PARD3: variants seen among roughly 807,000 people sequenced by gnomAD.
The protein encoded by PARD3 is partitioning defective 3 homolog.
A neutral mutation model predicts 155.4 loss-of-function variants in PARD3; 75 were observed. That is an observed-to-expected ratio of 0.48 (90% confidence interval 0.40 to 0.58). The LOEUF is 0.58. PARD3 is among the 20% of genes least tolerant of loss of function. The pLI, the probability that PARD3 is intolerant of heterozygous loss-of-function variation, is 0.00. For missense variants in PARD3, 1,642 were observed against 1,721.7 expected, an observed-to-expected ratio of 0.95 and a Z score of 0.82; for synonymous variants, 576 against 610.5, an observed-to-expected ratio of 0.94 and a Z score of 0.83.
chr10:34,147,201 C>T (rs1458453008), intron 22 of PARD3, among the ~76,000 whole-genome samples: 1 of 151,940 alleles, frequency 6.6e-6, no homozygotes, highest in East Asian at 1.9e-4. Flanking sequence ...TCTGACAGAC[C>T]CCCCACCTCA....
intron 2 of PARD3, among the ~76,000 whole-genome samples, chr10:34,557,608 A>G (rs2085107173): frequency 6.6e-6 from 1 of 152,046 alleles, no homozygotes; most frequent in Non-Finnish European, 1.5e-5. Flanking sequence ...CCTCCTGAGT[A>G]GCTGGGATTA....
chr10:34,457,984 T>C (rs988154362), intron 4 of PARD3, among the ~76,000 whole-genome samples: 10 of 152,098 alleles, frequency 6.6e-5, no homozygotes, highest in African/African-American at 2.2e-4. Context: ...ATGACAAAAA[T>C]TTCTGATATC....
chr10:34,159,110 G>C (rs1411816010), intron 22 of PARD3, among the ~76,000 whole-genome samples: 1 of 152,168 alleles, frequency 6.6e-6, no homozygotes, highest in Non-Finnish European at 1.5e-5. Context: ...CTTTCAACTA[G>C]AACTTCAGTG....
chr10:34,766,617 CAAAAAAAA>C (rs34958448), intron 1 of PARD3, among the ~76,000 whole-genome samples: 2 of 81,788 alleles, frequency 2.4e-5, no homozygotes, highest in Admixed American at 1.4e-4. Context: ...ACTTAATTGA[CAAAAAAAA>C]AAAAAAAAAA....
intron 1 of PARD3, among the ~76,000 whole-genome samples, chr10:34,782,426 A>C (rs567286456): frequency 6.6e-6 from 1 of 152,362 alleles, no homozygotes; most frequent in Admixed American, 6.5e-5. Context: ...GGCACATCAA[A>C]CAACCTCCAG....
chr10:34,698,118 C>T (rs567880114), intron 1 of PARD3, among the ~76,000 whole-genome samples: 25 of 152,028 alleles, frequency 1.6e-4, no homozygotes, highest in African/African-American at 3.1e-4. Flanking sequence ...TATCAACTTT[C>T]GTTTCTAAAA....
Position 34,284,217 on chromosome 10 carries a change from T to C in PARD3, c.3094A>G (p.Ile1032Val), listed in dbSNP as rs1480661201. 6.2e-7 allele frequency: 1 copy of C among 1,610,056 alleles called. No individual in the cohort carries two copies. The highest frequency in any genetic ancestry group is 8.5e-7 in the Non-Finnish European group (1 of 1,178,088). The part of the protein sequence containing the change: ...RFGKHRKDDK[I>V]EKTGKIKIQE... ...ATTTTTATTTTACCCGTTTTCTCAATCTTGTCATCTTTTCGATGTTTGCCA... is the reference window on the plus strand; with the variant it reads ...ATTTTTATTTTACCCGTTTTCTCAACCTTGTCATCTTTTCGATGTTTGCCA... The change falls in exon 21 of 25, where the codon ATT (isoleucine) becomes GTT (valine). Residue 1032 changes from isoleucine (I) to valine (V), a missense_variant. Ile to Val is a conservative substitution (Grantham distance 29, BLOSUM62 3). Transcript: ENST00000374788.
In PARD3 at chr10:34,336,199, C is replaced by G. The variant is rs921206125; in HGVS notation, c.2605G>C (p.Gly869Arg). Residue 869 changes from glycine (G) to arginine (R), a missense_variant and splice_region_variant, in exon 18 of 25, where the codon GGT (glycine) becomes CGT (arginine). Gly to Arg is a moderately radical substitution (Grantham distance 125, BLOSUM62 -2). Around this residue, in one of 3 missense-constraint regions of PARD3, gnomAD observed 1,529 missense variants for 1,587.3 expected, o/e 0.96. Transcript: ENST00000374788. The part of the protein sequence containing the change: ...KLNTVDDQKA[G>R]SPSRDVGPSL... ...CAACAGTCTAACTGTCCATTCTTAC[C>G]TGCTTTCTGGTCATCCACTGTATTG... The G allele has an allele frequency of 6.2e-7, 1 of 1,611,186 alleles. No homozygotes were observed. The highest frequency in any genetic ancestry group is 8.5e-7 in the Non-Finnish European group (1 of 1,177,674).
rs561371738 is a variant in PARD3 at position 34,552,728 on chromosome 10, A to T, written c.223-35569T>A. 6.6e-5 allele frequency among the ~76,000 whole-genome samples: 10 copies of T among 152,172 alleles called. No individual in the cohort carries two copies. In the South Asian group the frequency reaches 1.7e-3, roughly 25 times the overall value. ...AAACTCCATCTCAAAAAAAAAAAAA[A>T]ATCTAAATTTACTCTTCCAGAATCT... On this transcript the variant is annotated intron_variant, in intron 2 of 24. Transcript: ENST00000374788.
At chr10:34,113,732 A>C (rs1946518755) in intron 24 of PARD3, among the ~76,000 whole-genome samples, 1 of 152,136 alleles carries the variant, frequency 6.6e-6, no homozygotes, top group Non-Finnish European at 1.5e-5. Flanking sequence ...CGTAGATTCA[A>C]ATCCTGAGCC....
chr10:34,674,915 A>C lies in PARD3; in HGVS notation c.222+21403T>G, dbSNP rs150013870. ...AAGCCAATTTAAGTAGGACACAGAA[A>C]ACTATAAAACAACACACCTTACTAT... On this transcript the variant is annotated intron_variant, in intron 2 of 24. Transcript: ENST00000374788. Among the ~76,000 whole-genome samples the C allele has an allele frequency of 3.0e-3, 451 of 152,304 alleles. 1 individual carries two copies. Among genetic ancestry groups the C allele is most frequent in the African/African-American group, 0.01 (431 of 41,566 alleles).
At chr10:34,616,766 C>A (rs2091282110) in intron 2 of PARD3, among the ~76,000 whole-genome samples, 1 of 151,738 alleles carries the variant, frequency 6.6e-6, no homozygotes. Flanking sequence ...ACAGGGAGAA[C>A]CATCTCTACC....
At chr10:34,116,966 A>C (rs1409925021) in intron 24 of PARD3, among the ~76,000 whole-genome samples, 2 of 152,222 alleles carry the variant, frequency 1.3e-5, no homozygotes, top group African/African-American at 4.8e-5. Flanking sequence ...AGGAATGGGA[A>C]GGCGAGGATG....
At chr10:34,707,699 A>C (rs770510719) in intron 1 of PARD3, among the ~76,000 whole-genome samples, 3 of 152,130 alleles carry the variant, frequency 2.0e-5, no homozygotes, top group Admixed American at 1.3e-4. Context: ...GTTACCATGA[A>C]CACACACACA....
intron 5 of PARD3, among the ~76,000 whole-genome samples, chr10:34,447,410 G>A (rs746764537): frequency 5.2e-4 from 75 of 142,938 alleles, no homozygotes; most frequent in Non-Finnish European, 8.7e-4. Flanking sequence ...GAACCCAGGA[G>A]GTAGAAGCTG....
At chr10:34,138,579 G>A (rs2132842107) in intron 22 of PARD3, among the ~76,000 whole-genome samples, 1 of 152,164 alleles carries the variant, frequency 6.6e-6, no homozygotes, top group East Asian at 1.9e-4. Context: ...CTGGGATCTG[G>A]GTCAAACACA....
chr10:34,675,352 T>C (rs2093685963), intron 2 of PARD3, among the ~76,000 whole-genome samples: 1 of 152,210 alleles, frequency 6.6e-6, no homozygotes, highest in African/African-American at 2.4e-5. Flanking sequence ...GATTCAGATA[T>C]ATAGATAATA....
intron 7 of PARD3, among the ~76,000 whole-genome samples, chr10:34,389,142 C>A (rs1046007318): frequency 1.7e-4 from 26 of 150,270 alleles, no homozygotes; most frequent in African/African-American, 6.2e-4. Context: ...AACACTAGAT[C>A]CGCTGCATAC....
intron 1 of PARD3, among the ~76,000 whole-genome samples, chr10:34,787,434 A>T (rs192799319): frequency 6.6e-6 from 1 of 152,300 alleles, no homozygotes; most frequent in East Asian, 1.9e-4. Context: ...ACAAGGTACT[A>T]ATCAGATAAC....
Sources: gnomAD v4.1 joint callset for allele counts (sites outside exome capture counted in the v4.1 genomes callset) on GRCh38, gnomAD v4.1.1 for gene constraint, gnomAD v4.1.1 regional missense constraint, MANE v1.5 for transcripts, NCBI Gene and HGNC (gene_info 2026-07-23, HGNC 2026-07-21) for gene names.